Variants in APBB2 observed in about 807,000 individuals in gnomAD.
APBB2 encodes amyloid beta precursor protein binding family B member 2, also known as Fe65-like 1.
APBB2 carries 38 observed loss-of-function variants against 82.5 expected under a neutral mutation model. The observed-to-expected ratio is 0.46, with a 90% CI of 0.36 to 0.60. The LOEUF (loss-of-function observed/expected upper bound fraction) is 0.60, where lower values mean the gene tolerates loss of function less well. APBB2 is among the 20% of genes least tolerant of loss of function. APBB2 has a pLI of 0.00. For missense variants in APBB2, 772 were observed against 972.3 expected (o/e 0.79, Z 2.74); for synonymous variants, 341 against 368.2 (o/e 0.93, Z 0.85).
chr4:41,033,237 T>G lies in APBB2; in HGVS notation c.18A>C (p.Pro6=). ...GAAATATGAGAAAATGTATCTGACC[T>G]GGAAGTACTTCTGACATGGATCACC... MSEVL[P]ADSGVDTLAV... The change falls in exon 5 of 18, where the codon CCA becomes CCC. Residue 6 remains proline, a splice_region_variant and synonymous_variant. Coordinates refer to ENST00000508593, the MANE Select transcript of APBB2 (RefSeq NM_004307.2). The G allele has an allele frequency of 1.3e-6, 2 of 1,580,500 alleles. No homozygotes were observed. The highest frequency in any genetic ancestry group is 1.7e-6 in the Non-Finnish European group (2 of 1,151,932).
chr4:41,045,310 T>C (rs549811577), intron 4 of APBB2, among the ~76,000 whole-genome samples: 1 of 151,862 alleles, frequency 6.6e-6, no homozygotes, highest in Non-Finnish European at 1.5e-5. Context: ...TTTTGTTTTT[T>C]TGAGATGGAG....
chr4:40,931,509 G>C (rs951746076), intron 10 of APBB2, among the ~76,000 whole-genome samples: 1 of 152,202 alleles, frequency 6.6e-6, no homozygotes, highest in African/African-American at 2.4e-5. Flanking sequence ...GGCTCTCGAA[G>C]TGCTGAGATT....
chr4:40,960,479 G>A (rs1477034029), intron 6 of APBB2, among the ~76,000 whole-genome samples: 5 of 123,328 alleles, frequency 4.1e-5, no homozygotes, highest in Admixed American at 1.1e-4. Context: ...ACGGGGTCTC[G>A]CTCTGTCGCC....
At chr4:41,095,535 C>T (rs1743191442) in intron 3 of APBB2, among the ~76,000 whole-genome samples, 1 of 152,208 alleles carries the variant, frequency 6.6e-6, no homozygotes, top group Non-Finnish European at 1.5e-5. Flanking sequence ...CCCTAGGGGA[C>T]ACTGTTTCAT....
At chr4:41,176,989 CAAA>C (rs3058043) in intron 1 of APBB2, among the ~76,000 whole-genome samples, 70 of 140,234 alleles carry the variant, frequency 5.0e-4, no homozygotes, top group East Asian at 4.3e-4. Context: ...AATAGTGTAC[CAAA>C]AAAAAAAAAA....
rs371680599 is a variant in APBB2, at chr4:41,033,266, C to T, written c.-12G>A. The T allele has an allele frequency of 2.7e-4, 435 of 1,602,218 alleles. 1 individual carries two copies. The highest frequency in any genetic ancestry group is 3.5e-4 in the Non-Finnish European group (409 of 1,172,814). ...AGTACTTCTGACATGGATCACCAGG[C>T]GTCAGCAATGGTGCAGGAAATAGGT... On this transcript the variant is annotated 5_prime_UTR_variant, in exon 5 of 18. Transcript: ENST00000508593.
intron 12 of APBB2, chr4:40,880,039 G>GTGTCACTGGGAGCGA (rs1768012980): frequency 1.0e-6 from 1 of 985,270 alleles, no homozygotes; most frequent in Admixed American, 6.2e-5. Context: ...AATAAAAAGA[G>GTGTCACTGGGAGCGA]TGTCACTGGG....
At chr4:41,107,562 A>G (rs1747701250) in intron 2 of APBB2, among the ~76,000 whole-genome samples, 1 of 152,196 alleles carries the variant, frequency 6.6e-6, no homozygotes, top group South Asian at 2.1e-4. Context: ...ACACTCACAC[A>G]CAGTCTCAGA....
At chr4:41,032,437 G>A (rs940468425) in intron 5 of APBB2, among the ~76,000 whole-genome samples, 1 of 151,936 alleles carries the variant, frequency 6.6e-6, no homozygotes, top group Non-Finnish European at 1.5e-5. Flanking sequence ...ATAAAATTAA[G>A]GTTGTTTTCC....
intron 12 of APBB2, among the ~76,000 whole-genome samples, chr4:40,837,527 T>C (rs773432834): frequency 1.3e-5 from 2 of 152,184 alleles, no homozygotes; most frequent in Non-Finnish European, 2.9e-5. Context: ...ACTCCCAGTT[T>C]TTCCAACAGC....
intron 4 of APBB2, among the ~76,000 whole-genome samples, chr4:41,043,879 A>T (rs1405025048): frequency 6.6e-6 from 1 of 152,080 alleles, no homozygotes; most frequent in Admixed American, 6.6e-5. Flanking sequence ...TGAGTTATGG[A>T]GTTTCCACAG....
chr4:41,210,434 T>C (rs1241421436), intron 1 of APBB2, among the ~76,000 whole-genome samples: 1 of 152,212 alleles, frequency 6.6e-6, no homozygotes, highest in Non-Finnish European at 1.5e-5. Context: ...CCCTGGTTAG[T>C]AGTCTTTCCT....
intron 6 of APBB2, among the ~76,000 whole-genome samples, chr4:41,011,580 G>A (rs868357700): frequency 4.9e-4 from 74 of 152,078 alleles, no homozygotes; most frequent in African/African-American, 5.3e-4. Context: ...ACAGCCACCC[G>A]CCACCATGCC....
intron 10 of APBB2, among the ~76,000 whole-genome samples, chr4:40,907,415 T>C (rs1468728466): frequency 7.2e-6 from 1 of 139,750 alleles, no homozygotes; most frequent in African/African-American, 2.7e-5. Flanking sequence ...AGAGTCTCAC[T>C]CTGTCACCCA....
intron 10 of APBB2, among the ~76,000 whole-genome samples, chr4:40,921,040 C>T (rs984712442): frequency 6.6e-6 from 1 of 152,254 alleles, no homozygotes; most frequent in African/African-American, 2.4e-5. Context: ...CTCTGTGCCT[C>T]GGCTCCCTCA....
chr4:40,851,717 CATAT>C lies in APBB2; in HGVS notation c.1530-21144_1530-21141del, dbSNP rs3086183. 3.4e-3 allele frequency among the ~76,000 whole-genome samples: 396 copies of C among 115,990 alleles called. 3 individuals carry two copies. The highest frequency in any genetic ancestry group is 8.7e-3 in the Middle Eastern group (2 of 230). 76.1% of individuals were successfully genotyped at this position (115,990 alleles called of 152,430 possible). On this transcript the variant is annotated intron_variant, in intron 12 of 17. Coordinates refer to ENST00000508593, the MANE Select transcript of APBB2 (RefSeq NM_004307.2). ...GACTGCAGAAGGAATATTTTCTATG[CATAT>C]ATATATATATATATATATTTTTTTT...
In APBB2 at chr4:40,853,284, G is replaced by C. The variant is rs117486768; in HGVS notation, c.1530-22707C>G. On this transcript the variant is annotated intron_variant, in intron 12 of 17. Transcript: ENST00000508593. ...AGATCTTTCTGTATGAAATAAACTAGATCATGGCATTCCCCTGGTTAACCC... is the reference window on the plus strand; with the variant it reads ...AGATCTTTCTGTATGAAATAAACTACATCATGGCATTCCCCTGGTTAACCC... Among the ~76,000 whole-genome samples the C allele has an allele frequency of 5.4e-4, 82 of 152,158 alleles. No individual in the cohort carries two copies. The East Asian group carries it at 0.012, about 23-fold the overall frequency.
intron 1 of APBB2, among the ~76,000 whole-genome samples, chr4:41,187,217 T>C (rs994616951): frequency 1.3e-5 from 2 of 152,306 alleles, no homozygotes; most frequent in African/African-American, 4.8e-5. Flanking sequence ...TGCCAAATAT[T>C]AAAATGTAAC....
At chr4:40,859,545 C>G (rs558262524) in intron 12 of APBB2, among the ~76,000 whole-genome samples, 1 of 152,178 alleles carries the variant, frequency 6.6e-6, no homozygotes, top group Non-Finnish European at 1.5e-5. Flanking sequence ...CCACTCATCT[C>G]TAACAAGCTG....
Sources: allele counts gnomAD v4.1 joint callset (sites outside exome capture counted in the v4.1 genomes callset), GRCh38; gene constraint gnomAD v4.1.1; transcripts MANE v1.5; gene names NCBI Gene and HGNC (gene_info 2026-07-23, HGNC 2026-07-21).